ROBO2: variants seen among roughly 807,000 people sequenced by gnomAD.
ROBO2 encodes the protein roundabout homolog 2.
A neutral mutation model predicts 160.8 loss-of-function variants in ROBO2; 53 were observed. The ratio of observed to expected loss-of-function variants is 0.33; its 90% CI spans 0.26 to 0.41. The LOEUF is 0.41. ROBO2 is among the 10% of genes least tolerant of loss of function. The probability of loss-of-function intolerance (pLI) is 1.00; values close to 1 mark genes in which losing one functional copy is unlikely to be tolerated. For missense variants in ROBO2, 1,577 were observed against 1,722.4 expected (o/e 0.92, Z 1.49); for synonymous variants, 664 against 611.7 (o/e 1.09, Z -1.26).
At position 76,142,888 on chromosome 3, in the gene ROBO2, C is replaced by T. The variant is rs569331316; in HGVS notation, c.109+205286C>T. Among the ~76,000 whole-genome samples the T allele has an allele frequency of 2.0e-5, 3 of 151,980 alleles. 1 individual carries two copies. Among genetic ancestry groups the T allele is most frequent in the African/African-American group, 7.2e-5 (3 of 41,460 alleles). The stretch of plus-strand genomic sequence containing the variant: ...GATGTGCTTATTTCACATTGCAGGC[C>T]TGTATCAAAACATCTTCGCATGCCT... On this transcript the variant is annotated intron_variant, in intron 2 of 26. Transcript: ENST00000487694.
chr3:75,990,641 C>T (rs1265544797), intron 2 of ROBO2, among the ~76,000 whole-genome samples: 15 of 152,092 alleles, frequency 9.9e-5, no homozygotes, highest in Non-Finnish European at 1.2e-4. Flanking sequence ...TAAAGAATAA[C>T]ACTCAGCTAG....
At chr3:76,612,712 T>A (rs867346347) in intron 2 of ROBO2, among the ~76,000 whole-genome samples, 2 of 152,106 alleles carry the variant, frequency 1.3e-5, no homozygotes, top group African/African-American at 2.4e-5. Flanking sequence ...TAAAGTAAAA[T>A]TAAAAATAAT....
intron 2 of ROBO2, among the ~76,000 whole-genome samples, chr3:76,681,182 T>C (rs2092552966): frequency 6.6e-6 from 1 of 151,614 alleles, no homozygotes; most frequent in African/African-American, 2.4e-5. Flanking sequence ...TAATAAGAGG[T>C]TTTTATGATG....
intron 2 of ROBO2, among the ~76,000 whole-genome samples, chr3:76,788,947 C>T (rs115638808): frequency 7.3e-5 from 11 of 151,638 alleles, no homozygotes; most frequent in Non-Finnish European, 1.6e-4. Flanking sequence ...TGTTCAGTGA[C>T]TGTTGGTAAT....
intron 2 of ROBO2, among the ~76,000 whole-genome samples, chr3:76,667,063 T>A (rs1178667543): frequency 1.3e-5 from 2 of 152,140 alleles, no homozygotes. Flanking sequence ...CAAGGATGTT[T>A]TATGGTGGCA....
At chr3:76,343,386 C>G (rs1022800552) in intron 2 of ROBO2, among the ~76,000 whole-genome samples, 9 of 151,888 alleles carry the variant, frequency 5.9e-5, no homozygotes, top group African/African-American at 2.2e-4. Context: ...CAATATATGT[C>G]TAATAAATGA....
chr3:77,110,982 T>C (rs2073504443), intron 2 of ROBO2, among the ~76,000 whole-genome samples: 3 of 152,220 alleles, frequency 2.0e-5, no homozygotes, highest in East Asian at 1.9e-4. Context: ...GTGTGAACCA[T>C]TGGGCCTGAC....
At chr3:77,410,488 TTTCCTCCTCCTCCTCTTCCTCCTC>T (rs1206662328) in intron 2 of ROBO2, among the ~76,000 whole-genome samples, 2 of 146,398 alleles carry the variant, frequency 1.4e-5, no homozygotes, top group East Asian at 2.1e-4. Flanking sequence ...CTCCCTCTTC[TTTCCTCCTCCTCCTCTTCCTCCTC>T]TTCCTCCTCC....
intron 2 of ROBO2, among the ~76,000 whole-genome samples, chr3:76,460,033 T>C (rs2077997122): frequency 6.6e-6 from 1 of 152,204 alleles, no homozygotes; most frequent in African/African-American, 2.4e-5. Flanking sequence ...GATATCTTTA[T>C]TTTTTTCTTA....
At chr3:76,984,032 G>C (rs1046893999) in intron 2 of ROBO2, among the ~76,000 whole-genome samples, 1 of 152,116 alleles carries the variant, frequency 6.6e-6, no homozygotes, top group Non-Finnish European at 1.5e-5. Flanking sequence ...TGCCAGCAGG[G>C]GAAATGCCAG....
upstream of ROBO2, among the ~76,000 whole-genome samples, chr3:77,038,168 C>T (rs888914263): frequency 6.6e-6 from 1 of 152,156 alleles, no homozygotes; most frequent in Non-Finnish European, 1.5e-5. Context: ...TTCTCCTTAA[C>T]GGTTAAGCCT....
At chr3:77,012,737 A>G (rs543353334) in intron 2 of ROBO2, among the ~76,000 whole-genome samples, 1 of 152,284 alleles carries the variant, frequency 6.6e-6, no homozygotes, top group Non-Finnish European at 1.5e-5. Context: ...AGGTTGTCAG[A>G]CCCTGGCACA....
chr3:76,737,874 C>T (rs917438946), intron 2 of ROBO2, among the ~76,000 whole-genome samples: 8 of 152,200 alleles, frequency 5.3e-5, no homozygotes, highest in Middle Eastern at 3.4e-3. Flanking sequence ...AGACTGGGAA[C>T]GGTGGCTCAC....
chr3:77,147,165 A>G (rs1301064115), intron 2 of ROBO2, among the ~76,000 whole-genome samples: 1 of 152,198 alleles, frequency 6.6e-6, no homozygotes, highest in Non-Finnish European at 1.5e-5. Flanking sequence ...GCAAATGCTC[A>G]TTTAGTAATT....
At chr3:76,178,838 G>C (rs1398514002) in intron 2 of ROBO2, among the ~76,000 whole-genome samples, 1 of 152,046 alleles carries the variant, frequency 6.6e-6, no homozygotes, top group Admixed American at 6.6e-5. Context: ...CTACTCCGGA[G>C]GCTGAAGCAG....
At chr3:76,564,408 T>G (rs1318613614) in intron 2 of ROBO2, among the ~76,000 whole-genome samples, 1 of 152,232 alleles carries the variant, frequency 6.6e-6, no homozygotes, top group Non-Finnish European at 1.5e-5. Flanking sequence ...GGCCCACTTA[T>G]ACATATTTGA....
intron 2 of ROBO2, among the ~76,000 whole-genome samples, chr3:76,230,581 C>T (rs893939348): frequency 2.0e-5 from 3 of 152,056 alleles, no homozygotes; most frequent in African/African-American, 7.2e-5. Context: ...GCCCTTTTCT[C>T]TTCTCATTTT....
chr3:76,587,763 G>A (rs1403063446), intron 2 of ROBO2, among the ~76,000 whole-genome samples: 1 of 152,120 alleles, frequency 6.6e-6, no homozygotes, highest in Admixed American at 6.5e-5. Context: ...TTCTACATCA[G>A]AAAATATTTT....
At chr3:77,471,587 G>C (rs2083353480) in intron 2 of ROBO2, among the ~76,000 whole-genome samples, 1 of 152,308 alleles carries the variant, frequency 6.6e-6, no homozygotes, top group African/African-American at 2.4e-5. Flanking sequence ...GAGAGTAAGA[G>C]AGGAGTTCAG....
Sources: allele counts gnomAD v4.1 joint callset (sites outside exome capture counted in the v4.1 genomes callset), GRCh38; gene constraint gnomAD v4.1.1; transcripts MANE v1.5; gene names NCBI Gene and HGNC (gene_info 2026-07-23, HGNC 2026-07-21).